NUP160: variants seen among roughly 807,000 people sequenced by gnomAD.
NUP160 encodes nucleoporin 160.
Under a neutral mutation model 196.9 loss-of-function variants are expected in NUP160, and 94 were observed. That is an observed-to-expected ratio of 0.48 (90% CI 0.40 to 0.57). The LOEUF is 0.57. Among genes scored for constraint, NUP160 ranks in the 20% least tolerant of loss-of-function variants. The pLI, the probability that NUP160 is intolerant of heterozygous loss-of-function variation, is 0.00. For missense variants in NUP160, 1,638 were observed against 1,748.3 expected, an observed-to-expected ratio of 0.94 and a Z score of 1.13; for synonymous variants, 605 against 619.7, an observed-to-expected ratio of 0.98 and a Z score of 0.35.
intron 29 of NUP160, among the ~76,000 whole-genome samples, chr11:47,791,303 C>T (rs1290021093): frequency 6.6e-6 from 1 of 152,168 alleles, no homozygotes; most frequent in East Asian, 1.9e-4. Context: ...TTTGGGAGCA[C>T]TTCCAGCGTC....
chr11:47,798,540 T>C, intron 23 of NUP160, 77 bp from the exon 24 acceptor site: 1 of 832,058 alleles, frequency 1.2e-6, no homozygotes, highest in Non-Finnish European at 2.0e-6. Flanking sequence ...TTTAAAATTA[T>C]TGAGAAAGGT....
chr11:47,798,403 C>G (rs1310991648), exon 24 of NUP160: 1 of 1,611,250 alleles, frequency 6.2e-7, no homozygotes, highest in Non-Finnish European at 8.5e-7. Flanking sequence ...TCAGTTATGG[C>G]TGATGTAGCC....
At chr11:47,787,844 A>G (rs1051430412) in intron 31 of NUP160, among the ~76,000 whole-genome samples, 1 of 152,020 alleles carries the variant, frequency 6.6e-6, no homozygotes, top group African/African-American at 2.4e-5. Flanking sequence ...CAGCCTCCCG[A>G]GTAGCTGGGA....
chr11:47,821,065 C>T (rs1029926712), intron 9 of NUP160, among the ~76,000 whole-genome samples: 3 of 151,994 alleles, frequency 2.0e-5, no homozygotes, highest in African/African-American at 4.8e-5. Flanking sequence ...AACACAAAGG[C>T]TATAGTATCC....
At position 47,835,814 on chromosome 11, in the gene NUP160, C is replaced by A. The variant is rs577961097; in HGVS notation, c.943-5G>T. On this transcript the variant is annotated splice_region_variant and splice_polypyrimidine_tract_variant and intron_variant, in intron 6 of 35. Coordinates refer to ENST00000378460, the Ensembl canonical transcript of NUP160. ...TACCATTAGGCACATTTGCTCCTGT[C>A]CAAGAAAATAGTTAATAGGTGATAT... The A allele has an allele frequency of 3.2e-6, 5 of 1,567,276 alleles. No homozygotes were observed. In the African/African-American group the frequency reaches 5.5e-5, roughly 17 times the overall value.
exon 17 of NUP160, chr11:47,812,094 T>C: frequency 6.2e-7 from 1 of 1,614,106 alleles, no homozygotes; most frequent in Non-Finnish European, 8.5e-7. Flanking sequence ...ACAGCTGCTG[T>C]AAGATCAAAA....
chr11:47,840,664 G>C, intron 2 of NUP160, 76 bp from the exon 3 acceptor site: 1 of 1,210,542 alleles, frequency 8.3e-7, no homozygotes, highest in South Asian at 1.6e-5. Flanking sequence ...TATGAGAACA[G>C]TGTCCAAGTG....
chr11:47,808,230 G>A (rs1639664500), intron 18 of NUP160, among the ~76,000 whole-genome samples, 166 bp downstream of exon 18: 1 of 152,162 alleles, frequency 6.6e-6, no homozygotes, highest in Non-Finnish European at 1.5e-5. Context: ...GCAGTGAGCC[G>A]AGATCATGCC....
intron 34 of NUP160, among the ~76,000 whole-genome samples, chr11:47,782,001 C>T (rs1249546584): frequency 6.6e-6 from 1 of 152,022 alleles, no homozygotes; most frequent in Non-Finnish European, 1.5e-5. Flanking sequence ...AATGCCTAGG[C>T]CGGGCATGGT....
At chr11:47,845,898 C>T (rs1445417716) in intron 2 of NUP160, among the ~76,000 whole-genome samples, 3 of 152,026 alleles carry the variant, frequency 2.0e-5, no homozygotes, top group Non-Finnish European at 2.9e-5. Flanking sequence ...GTTGGGAGGC[C>T]GAGAACGGGG....
At chr11:47,798,648 A>G (rs1317995951) in intron 23 of NUP160, among the ~76,000 whole-genome samples, 185 bp from the exon 24 acceptor site, 2 of 151,694 alleles carry the variant, frequency 1.3e-5, no homozygotes, top group Non-Finnish European at 2.9e-5. Flanking sequence ...ATATGGCAAG[A>G]CCCCCATCTC....
rs1430831027 is a variant in NUP160 at position 47,798,253 on chromosome 11, T to G, written c.3001A>C (p.Arg1001=). 7 of 1,608,754 alleles carry G rather than the reference T, an allele frequency of 4.4e-6. No individual in the cohort carries two copies. In the African/African-American group the frequency reaches 8.0e-5, roughly 18 times the overall value. The change falls in exon 25 of 36, where the codon AGG becomes CGG. Residue 1001 remains arginine (R), a synonymous_variant. Transcript: ENST00000378460. ...AAATGATGTTTGAAAATACATGTCC[T>G]TAGAGTAGCCTAAATATCAAATGTA...
intron 1 of NUP160, 121 bp from the exon 2 acceptor site, chr11:47,848,080 G>T: frequency 8.0e-7 from 1 of 1,257,324 alleles, no homozygotes; most frequent in Non-Finnish European, 1.2e-6. Flanking sequence ...GGAAAACGTC[G>T]GACATCAAGG....
chr11:47,840,991 T>C (rs1157345213), intron 2 of NUP160, among the ~76,000 whole-genome samples: 1 of 150,050 alleles, frequency 6.7e-6, no homozygotes, highest in African/African-American at 2.5e-5. Context: ...CTTCTTAACC[T>C]GCAATAGCAT....
chr11:47,812,097 G>A (rs1229500914), exon 17 of NUP160: 2 of 1,614,096 alleles, frequency 1.2e-6, no homozygotes, highest in Admixed American at 1.7e-5. Context: ...GCTGCTGTAA[G>A]ATCAAAAGAT....
chr11:47,841,059 CATGT>C (rs941409020), intron 2 of NUP160, among the ~76,000 whole-genome samples: 1 of 152,100 alleles, frequency 6.6e-6, no homozygotes, highest in Non-Finnish European at 1.5e-5. Context: ...CATGCGCTTA[CATGT>C]ATGTGCAAAA....
chr11:47,783,181 T>C (rs775704179), exon 34 of NUP160: 1 of 1,613,560 alleles, frequency 6.2e-7, no homozygotes, highest in South Asian at 1.1e-5. Flanking sequence ...AACGAAGCAA[T>C]TCAGCAGCAT....
intron 23 of NUP160, among the ~76,000 whole-genome samples, chr11:47,800,493 A>G (rs2097673609): frequency 6.6e-6 from 1 of 151,952 alleles, no homozygotes; most frequent in African/African-American, 2.4e-5. Flanking sequence ...CCTGGGTTCA[A>G]GTGATTCTCC....
chr11:47,798,475 T>G lies in NUP160; in HGVS notation c.2896-12A>C, dbSNP rs377266689. On this transcript the variant is annotated splice_polypyrimidine_tract_variant and intron_variant, in intron 23 of 35. Transcript: ENST00000378460. ...AGTAGTCGTAAAACCTAACGAGAAA[T>G]AGAAGAAATTTCCATTAAAATTAAT... The G allele has an allele frequency of 5.7e-6, 8 of 1,405,132 alleles. No homozygotes were observed. The highest frequency in any genetic ancestry group is 5.5e-5 in the Admixed American group (3 of 54,246). 87.0% of individuals were successfully genotyped at this position (1,405,132 alleles called of 1,614,324 possible).
Sources: allele counts gnomAD v4.1 joint callset (sites outside exome capture counted in the v4.1 genomes callset), GRCh38; gene constraint gnomAD v4.1.1; transcripts MANE v1.5; gene names NCBI Gene and HGNC (gene_info 2026-07-23, HGNC 2026-07-21).